The following TSNARE1 variants were observed in gnomAD, a reference collection of about 807,000 sequenced individuals.
TSNARE1 encodes the protein t-SNARE domain-containing protein 1.
TSNARE1 carries 49 observed loss-of-function variants against 62.0 expected under a neutral mutation model. That is an observed-to-expected ratio of 0.79 (90% CI 0.63 to 1.00). TSNARE1 has a LOEUF of 1.00. TSNARE1 is among the 50% of genes least tolerant of loss of function. TSNARE1 has a pLI of 0.00. For synonymous variants in TSNARE1, 328 were observed against 294.4 expected, an observed-to-expected ratio of 1.11 and a Z score of -1.17; for missense variants, 755 against 700.1, an observed-to-expected ratio of 1.08 and a Z score of -0.88.
At chr8:142,277,565 C>A (rs574633574) in intron 11 of TSNARE1, 2 of 985,456 alleles carry the variant, frequency 2.0e-6, no homozygotes, top group East Asian at 2.3e-4. Context: ...GGCTTGGCAG[C>A]CACTTTCCTA....
chr8:142,296,570 CTG>C (rs1243664197), intron 10 of TSNARE1, among the ~76,000 whole-genome samples: 2 of 152,072 alleles, frequency 1.3e-5, no homozygotes, highest in Admixed American at 6.5e-5. Flanking sequence ...ACTCCAGGCT[CTG>C]GGGATGGGGC....
At chr8:142,327,226 G>A (rs1444481275) in intron 6 of TSNARE1, among the ~76,000 whole-genome samples, 1 of 152,246 alleles carries the variant, frequency 6.6e-6, no homozygotes, top group Non-Finnish European at 1.5e-5. Context: ...CCACCAGCTG[G>A]TGAATGGGTC....
At chr8:142,223,337 CTCAT>C (rs1259329200) in intron 13 of TSNARE1, among the ~76,000 whole-genome samples, 53 of 150,878 alleles carry the variant, frequency 3.5e-4, no homozygotes, top group African/African-American at 1.0e-3. Flanking sequence ...CACTCGTTCA[CTCAT>C]TCACTCATTC....
chr8:142,314,388 T>C lies in TSNARE1; in HGVS notation c.1127A>G (p.Lys376Arg). Residue 376 changes from lysine (K) to arginine (R), a missense_variant, in exon 9 of 14, where the codon AAA becomes AGA. By Grantham distance (26) the Lys-to-Arg change is conservative. Transcript: ENST00000524325. ...ALLPMAQRGSKQSPQAPFAEL... is the reference protein window; with the variant it reads ...ALLPMAQRGSRQSPQAPFAEL... ...TGGTCAGTACTCGGCACCCACCTGTTTACTGCCCCTCTGCGCCATGGGAAG... is the reference window on the plus strand; with the variant it reads ...TGGTCAGTACTCGGCACCCACCTGTCTACTGCCCCTCTGCGCCATGGGAAG... 6.2e-7 allele frequency: 1 copy of C among 1,613,798 alleles called. No homozygotes were observed. Among genetic ancestry groups the C allele is most frequent in the Non-Finnish European group, 8.5e-7 (1 of 1,179,866 alleles).
intron 4 of TSNARE1, among the ~76,000 whole-genome samples, chr8:142,335,706 T>TA (rs1379584504): frequency 6.6e-6 from 1 of 152,164 alleles, no homozygotes; most frequent in Non-Finnish European, 1.5e-5. Context: ...GCCTTACACT[T>TA]AATGATGCAT....
intron 6 of TSNARE1, among the ~76,000 whole-genome samples, chr8:142,323,516 C>T (rs1829787605): frequency 6.6e-6 from 1 of 152,224 alleles, no homozygotes; most frequent in Admixed American, 6.5e-5. Flanking sequence ...CAAGGGGAGG[C>T]CTCGTGAGGG....
intron 12 of TSNARE1, among the ~76,000 whole-genome samples, chr8:142,245,859 G>A (rs375142291): frequency 9.9e-5 from 15 of 152,176 alleles, no homozygotes; most frequent in South Asian, 6.2e-4. Flanking sequence ...CTAAATACAC[G>A]CTACACACAA....
chr8:142,289,590 G>A (rs115384290), intron 10 of TSNARE1, among the ~76,000 whole-genome samples: 1,980 of 152,238 alleles, frequency 0.013, 41 homozygotes, highest in African/African-American at 0.045. Flanking sequence ...CTCAGGATGG[G>A]GCAGGGTGCA....
chr8:142,272,035 C>G (rs926057804), intron 12 of TSNARE1, among the ~76,000 whole-genome samples: 2 of 152,094 alleles, frequency 1.3e-5, no homozygotes. Flanking sequence ...TACCCGCCAT[C>G]CTGCTACCCA....
intron 1 of TSNARE1, among the ~76,000 whole-genome samples, chr8:142,368,926 G>A (rs866705765): frequency 1.3e-5 from 2 of 152,212 alleles, no homozygotes; most frequent in African/African-American, 2.4e-5. Flanking sequence ...CCCACTGCAG[G>A]AGTGCAAGAG....
In TSNARE1 at chr8:142,331,823, C is replaced by A; in HGVS notation, c.754G>T (p.Val252Phe). The A allele has an allele frequency of 6.2e-7, 1 of 1,608,232 alleles. No individual in the cohort carries two copies. Among genetic ancestry groups the A allele is most frequent in the Non-Finnish European group, 8.5e-7 (1 of 1,177,400 alleles). Residue 252 changes from valine to phenylalanine, a missense_variant, in exon 5 of 14, where the codon GTC (valine) becomes TTC (phenylalanine). Val to Phe is a conservative substitution (Grantham distance 50). Coordinates refer to ENST00000524325, the MANE Select transcript of TSNARE1 (RefSeq NM_145003.5). ...FSLEPPRATQ[V>F]DPCNLQELFQ... ...AGCTCCTGGAGGTTGCACGGATCGA[C>A]CTGGGTGGCTGGGAGAAGACAGGGA...
chr8:142,214,890 G>T (rs1005524949), intron 13 of TSNARE1, among the ~76,000 whole-genome samples: 9 of 152,184 alleles, frequency 5.9e-5, no homozygotes, highest in Admixed American at 2.6e-4. Flanking sequence ...AGCCTCCAGG[G>T]CAAAGAGCAG....
chr8:142,280,402 A>G (rs1485246485), intron 11 of TSNARE1: 1 of 874,962 alleles, frequency 1.1e-6, no homozygotes, highest in African/African-American at 1.8e-5. Flanking sequence ...AGGTCATCAC[A>G]GGCCCTGCAT....
intron 10 of TSNARE1, among the ~76,000 whole-genome samples, chr8:142,297,644 C>T (rs1399868167): frequency 6.6e-6 from 1 of 152,224 alleles, no homozygotes; most frequent in East Asian, 1.9e-4. Flanking sequence ...CGCCCACCCC[C>T]CGAGCCCTGC....
chr8:142,275,800 G>A, intron 11 of TSNARE1: 18 of 985,368 alleles, frequency 1.8e-5, no homozygotes, highest in Non-Finnish European at 2.2e-5. Flanking sequence ...GGGTCTTAAG[G>A]CCTGGGATAG....
At chr8:142,312,847 A>G (rs11167137) in intron 9 of TSNARE1, among the ~76,000 whole-genome samples, 84,393 of 152,054 alleles carry the variant, frequency 0.56, 25,300 homozygotes, top group African/African-American at 0.79. Flanking sequence ...GTTCAGTCTC[A>G]ATAAGCTGAG....
chr8:142,405,887 G>C (rs914909436), upstream of TSNARE1: 1 of 152,332 alleles, frequency 6.6e-6, no homozygotes, highest in African/African-American at 2.4e-5. Flanking sequence ...CAACCCCGCC[G>C]AGCCGCCCTC....
chr8:142,382,109 C>A (rs555406603), intron 1 of TSNARE1, among the ~76,000 whole-genome samples: 1 of 152,324 alleles, frequency 6.6e-6, no homozygotes, highest in South Asian at 2.1e-4. Flanking sequence ...TGGAATGGGG[C>A]CCCTGCGCAT....
rs537058037 is a variant in TSNARE1 at position 142,238,161 on chromosome 8, G to A, written c.1447-8582C>T. 9.9e-5 allele frequency among the ~76,000 whole-genome samples: 15 copies of A among 152,120 alleles called. No individual in the cohort carries two copies. The South Asian group carries it at 1.9e-3, about 19-fold the overall frequency. On this transcript the variant is annotated intron_variant, in intron 12 of 13. Transcript: ENST00000524325. ...TGGCCTCTTTCTGGGGAGAAGGAGT[G>A]CCGTCTGTCTCCCTGGGTCTCCAGG...
Sources: gnomAD v4.1 joint callset for allele counts (sites outside exome capture counted in the v4.1 genomes callset) on GRCh38, gnomAD v4.1.1 for gene constraint, MANE v1.5 for transcripts, NCBI Gene and HGNC (gene_info 2026-07-23, HGNC 2026-07-21) for gene names.